NELL1: variants seen among roughly 807,000 people sequenced by gnomAD.
NELL1 encodes the protein neural EGFL like 1.
NELL1 carries 76 observed loss-of-function variants against 107.4 expected under a neutral mutation model. The ratio of observed to expected loss-of-function variants is 0.71; its 90% CI spans 0.59 to 0.86. NELL1 has a LOEUF of 0.86. NELL1 is among the 40% of genes least tolerant of loss of function. The pLI, the probability that NELL1 is intolerant of heterozygous loss-of-function variation, is 0.00. For synonymous variants in NELL1, 353 were observed against 341.2 expected (o/e 1.03, Z -0.38); for missense variants, 1,024 against 1,005.5 (o/e 1.02, Z -0.25).
intron 16 of NELL1, among the ~76,000 whole-genome samples, chr11:21,545,009 A>G (rs1328715900): frequency 1.3e-5 from 2 of 151,786 alleles, no homozygotes; most frequent in African/African-American, 4.8e-5. Flanking sequence ...CTATTTGTGT[A>G]TTACTTTTTT....
rs546329486 is a variant in NELL1, at chr11:21,008,398, A to G, written c.1300+47838A>G. On this transcript the variant is annotated intron_variant, in intron 12 of 19. Coordinates refer to ENST00000357134, the MANE Select transcript of NELL1 (RefSeq NM_006157.5). ...TAAAATATCTAAGTATTTTGTCTGCATGATTCTAAGTAAAGGGATACTAGG... is the reference window on the plus strand; with the variant it reads ...TAAAATATCTAAGTATTTTGTCTGCGTGATTCTAAGTAAAGGGATACTAGG... Among the ~76,000 whole-genome samples, 8 of 152,270 alleles carry G rather than the reference A, an allele frequency of 5.3e-5. No homozygotes were observed. In the South Asian group the frequency reaches 1.2e-3, roughly 24 times the overall value.
At chr11:21,163,809 C>T (rs1421854029) in intron 13 of NELL1, among the ~76,000 whole-genome samples, 4 of 152,004 alleles carry the variant, frequency 2.6e-5, no homozygotes, top group African/African-American at 9.7e-5. Context: ...AAAGTTTCAG[C>T]TTCTCGACCT....
In NELL1 at chr11:20,783,602, C is replaced by A. The variant is rs558677024; in HGVS notation, c.185-78C>A. On this transcript the variant is annotated intron_variant, in intron 2 of 19. Transcript: ENST00000357134. ...CCTTCTCATCTCCCCTCTCCTCTTT[C>A]TCCTATATTTCTTCTCTACTCCTTC... is the stretch of plus-strand genomic sequence containing the variant. 28 of 1,004,282 alleles carry A rather than the reference C, an allele frequency of 2.8e-5. No homozygotes were observed. The South Asian group carries it at 5.4e-4, about 19-fold the overall frequency. The allele number at this position is 1,004,282 out of a possible 1,614,324, so 62.2% of individuals were successfully genotyped here.
In NELL1 at chr11:20,783,943, C is replaced by T. The variant is rs186215855; in HGVS notation, c.335+113C>T. ...GAAAACTTTCATCTAACTGAGGCCT[C>T]ATTTCTGTTGAACACATTCATGAAT... On this transcript the variant is annotated intron_variant, in intron 3 of 19. Transcript: ENST00000357134. 166 of 1,001,540 alleles carry T rather than the reference C, an allele frequency of 1.7e-4. 1 individual carries two copies. The Middle Eastern group carries it at 2.0e-3, about 12-fold the overall frequency. 62.0% of individuals were successfully genotyped at this position (1,001,540 alleles called of 1,614,324 possible).
intron 14 of NELL1, among the ~76,000 whole-genome samples, chr11:21,268,569 G>A (rs1848679540): frequency 6.6e-6 from 1 of 152,112 alleles, no homozygotes; most frequent in South Asian, 2.1e-4. Flanking sequence ...TCCCACCTGA[G>A]TCTTGTGGGG....
intron 15 of NELL1, among the ~76,000 whole-genome samples, chr11:21,456,001 T>C (rs528000161): frequency 6.6e-6 from 1 of 151,402 alleles, no homozygotes; most frequent in South Asian, 2.1e-4. Context: ...ATTTCTCCTG[T>C]CTCAGCCTCC....
At chr11:20,926,432 A>G (rs1273349117) in intron 7 of NELL1, among the ~76,000 whole-genome samples, 1 of 152,118 alleles carries the variant, frequency 6.6e-6, no homozygotes, top group Non-Finnish European at 1.5e-5. Context: ...TACAATGAAA[A>G]CCTAGGTATG....
intron 15 of NELL1, among the ~76,000 whole-genome samples, chr11:21,405,500 C>CT (rs1458387089): frequency 6.6e-6 from 1 of 151,954 alleles, no homozygotes; most frequent in Non-Finnish European, 1.5e-5. Flanking sequence ...GAAATGTTTC[C>CT]TATGAAGTTA....
intron 2 of NELL1, among the ~76,000 whole-genome samples, chr11:20,703,627 T>C (rs897418102): frequency 6.6e-6 from 1 of 152,242 alleles, no homozygotes; most frequent in Non-Finnish European, 1.5e-5. Flanking sequence ...TCCTGCTTTC[T>C]CTTGTAGGCA....
chr11:20,988,847 C>A (rs1851910593), intron 12 of NELL1, among the ~76,000 whole-genome samples: 1 of 152,030 alleles, frequency 6.6e-6, no homozygotes, highest in Non-Finnish European at 1.5e-5. Context: ...CTCAGCCTCC[C>A]AAAGTGCTGA....
At chr11:21,336,670 T>TACACACACACAC (rs374935775) in intron 14 of NELL1, among the ~76,000 whole-genome samples, 33,091 of 94,786 alleles carry the variant, frequency 0.35, 4,034 homozygotes, top group Non-Finnish European at 0.38. Flanking sequence ...TATATATATA[T>TACACACACACAC]ATATACACAC....
chr11:21,493,375 A>C (rs1277992170), intron 15 of NELL1, among the ~76,000 whole-genome samples: 1 of 152,170 alleles, frequency 6.6e-6, no homozygotes, highest in Non-Finnish European at 1.5e-5. Flanking sequence ...TAAATGTGGC[A>C]TGTATACACT....
chr11:21,304,785 A>G (rs1395953117), intron 14 of NELL1, among the ~76,000 whole-genome samples: 1 of 151,870 alleles, frequency 6.6e-6, no homozygotes, highest in Non-Finnish European at 1.5e-5. Flanking sequence ...TTTCCCCTGC[A>G]GTAGGGTGCA....
intron 14 of NELL1, among the ~76,000 whole-genome samples, chr11:21,325,532 G>C (rs1850111747): frequency 6.6e-6 from 1 of 151,466 alleles, no homozygotes; most frequent in Admixed American, 6.6e-5. Flanking sequence ...ATTTTTTAAG[G>C]TGAACCTTTT....
At chr11:20,977,306 C>T (rs1372190604) in intron 12 of NELL1, among the ~76,000 whole-genome samples, 2 of 150,350 alleles carry the variant, frequency 1.3e-5, no homozygotes, top group Non-Finnish European at 3.0e-5. Context: ...GCTCTGTCAC[C>T]CAGGCTGGAG....
At chr11:21,233,153 T>C (rs1010471802) in intron 14 of NELL1, among the ~76,000 whole-genome samples, 1 of 152,244 alleles carries the variant, frequency 6.6e-6, no homozygotes, top group Non-Finnish European at 1.5e-5. Context: ...GATGCCCATG[T>C]AAGGCGTCTT....
intron 7 of NELL1, among the ~76,000 whole-genome samples, chr11:20,925,383 A>G (rs1184673712): frequency 6.6e-6 from 1 of 150,924 alleles, no homozygotes; most frequent in Non-Finnish European, 1.5e-5. Context: ...CAGGTTCAAG[A>G]GATTCTCATG....
intron 13 of NELL1, among the ~76,000 whole-genome samples, chr11:21,167,519 C>T (rs540310488): frequency 3.9e-5 from 6 of 151,936 alleles, no homozygotes; most frequent in Admixed American, 3.9e-4. Context: ...AAATAGGGAA[C>T]TTTTCCTGCC....
At chr11:20,779,770 G>A (rs182083648) in intron 2 of NELL1, among the ~76,000 whole-genome samples, 28 of 152,336 alleles carry the variant, frequency 1.8e-4, no homozygotes, top group African/African-American at 6.7e-4. Flanking sequence ...CTATGAGCAG[G>A]ATCAAGTGAT....
Sources: gnomAD v4.1 joint callset for allele counts (sites outside exome capture counted in the v4.1 genomes callset) on GRCh38, gnomAD v4.1.1 for gene constraint, MANE v1.5 for transcripts, NCBI Gene and HGNC (gene_info 2026-07-23, HGNC 2026-07-21) for gene names.